Variants in KIAA0825 observed in about 807,000 individuals in gnomAD.
The protein encoded by KIAA0825 is uncharacterized protein KIAA0825.
In KIAA0825, 119 loss-of-function variants were observed where a neutral mutation model predicts 147.6. The observed-to-expected ratio is 0.81, with a 90% CI of 0.69 to 0.94. The LOEUF (loss-of-function observed/expected upper bound fraction) is 0.94, where lower values mean the gene tolerates loss of function less well. KIAA0825 is among the 40% of genes least tolerant of loss of function. The pLI is 0.00. For missense variants in KIAA0825, 1,381 were observed against 1,472.7 expected (o/e 0.94, Z 1.02); for synonymous variants, 470 against 518.1 (o/e 0.91, Z 1.26).
chr5:94,598,799 G>T (rs1271605714), intron 1 of KIAA0825, among the ~76,000 whole-genome samples: 1 of 152,082 alleles, frequency 6.6e-6, no homozygotes, highest in African/African-American at 2.4e-5. Flanking sequence ...TATCATATTT[G>T]TGGTCTTTAG....
At chr5:94,288,961 A>C (rs984334545) in intron 20 of KIAA0825, among the ~76,000 whole-genome samples, 1 of 152,148 alleles carries the variant, frequency 6.6e-6, no homozygotes, top group African/African-American at 2.4e-5. Context: ...ATGGCCCCCA[A>C]CGTATGGGTG....
intron 1 of KIAA0825, among the ~76,000 whole-genome samples, chr5:94,607,571 T>G (rs977317265): frequency 2.6e-5 from 4 of 152,156 alleles, no homozygotes; most frequent in Non-Finnish European, 4.4e-5. Context: ...ATCATGCCAC[T>G]GCCTTCTACC....
intron 5 of KIAA0825, among the ~76,000 whole-genome samples, chr5:94,493,421 A>G (rs979187486): frequency 6.6e-6 from 1 of 152,208 alleles, no homozygotes; most frequent in Non-Finnish European, 1.5e-5. Flanking sequence ...AACTGCTTCC[A>G]TAGAGGTACA....
At chr5:94,249,799 G>GTTTT (rs3080905) in intron 20 of KIAA0825, among the ~76,000 whole-genome samples, 2 of 132,768 alleles carry the variant, frequency 1.5e-5, no homozygotes, top group East Asian at 2.2e-4. Flanking sequence ...TGCTCTGCTG[G>GTTTT]TTTTTTTTTT....
In KIAA0825 at chr5:94,225,765, GAACT is replaced by G. The variant is rs772693505; in HGVS notation, c.3711-71645_3711-71642del. Among the ~76,000 whole-genome samples the G allele has an allele frequency of 8.9e-4, 135 of 152,254 alleles. 2 individuals carry two copies. Among genetic ancestry groups the G allele is most frequent in the Admixed American group, 3.9e-3 (60 of 15,284 alleles). Reference sequence around the variant, plus strand: ...CTATGGTAATTTGTTGTAGCTGCCTGAACTAACTAAGACATTCTCCCAGTGGGAA... The same window carrying G: ...CTATGGTAATTTGTTGTAGCTGCCTGAACTAAGACATTCTCCCAGTGGGAA... On this transcript the variant is annotated intron_variant, in intron 20 of 20. Coordinates refer to ENST00000682413, the MANE Select transcript of KIAA0825 (RefSeq NM_001145678.3).
intron 13 of KIAA0825, among the ~76,000 whole-genome samples, chr5:94,452,123 G>A (rs1476584638): frequency 6.6e-6 from 1 of 152,166 alleles, no homozygotes. Flanking sequence ...TGAGGTCCTT[G>A]AAGATGGGGT....
At chr5:94,518,926 T>A (rs1767674595) in intron 5 of KIAA0825, among the ~76,000 whole-genome samples, 1 of 152,112 alleles carries the variant, frequency 6.6e-6, no homozygotes, top group South Asian at 2.1e-4. Context: ...AACTTTCGTA[T>A]TGAAAAGACT....
intron 14 of KIAA0825, among the ~76,000 whole-genome samples, chr5:94,428,142 GT>G (rs1009600011): frequency 3.6e-5 from 4 of 111,976 alleles, no homozygotes; most frequent in East Asian, 2.9e-4. Context: ...ATAAGGTCTT[GT>G]TGTGTGTGTG....
At chr5:94,551,876 A>C (rs568669405) in intron 2 of KIAA0825, among the ~76,000 whole-genome samples, 13 of 152,104 alleles carry the variant, frequency 8.5e-5, no homozygotes, top group Admixed American at 3.9e-4. Context: ...GGGAAAAAAT[A>C]TATACAAATA....
At chr5:94,175,831 T>G (rs953487870) in intron 20 of KIAA0825, among the ~76,000 whole-genome samples, 4 of 152,076 alleles carry the variant, frequency 2.6e-5, no homozygotes, top group Non-Finnish European at 5.9e-5. Flanking sequence ...ATCATTCTAG[T>G]TTCTTCTGTC....
At position 94,580,638 on chromosome 5, in the gene KIAA0825, A is replaced by C. The variant is rs1781929289; in HGVS notation, c.-2+1795T>G. On this transcript the variant is annotated intron_variant, in intron 2 of 20. Transcript: ENST00000682413. ...ACGCCTGTAATCCCAGCACTTTGGG[A>C]GGCCGAGGCGGGCGGATCACGAGGT... 5.6e-5 allele frequency among the ~76,000 whole-genome samples: 2 copies of C among 35,446 alleles called. 1 individual carries two copies. Among genetic ancestry groups the C allele is most frequent in the African/African-American group, 5.1e-4 (2 of 3,932 alleles). The allele number at this position is 35,446 out of a possible 152,430, so 23.3% of individuals were successfully genotyped here.
At chr5:94,576,992 G>A (rs1050799452) in intron 2 of KIAA0825, among the ~76,000 whole-genome samples, 2 of 152,178 alleles carry the variant, frequency 1.3e-5, no homozygotes, top group Non-Finnish European at 2.9e-5. Context: ...TAACGTATGT[G>A]TGTACACACA....
At chr5:94,269,532 A>G (rs1252495207) in intron 20 of KIAA0825, among the ~76,000 whole-genome samples, 3 of 152,128 alleles carry the variant, frequency 2.0e-5, no homozygotes, top group African/African-American at 7.2e-5. Context: ...TAAGAAACAT[A>G]TGGAAATTAA....
At chr5:94,474,962 G>A (rs915401531) in intron 7 of KIAA0825, among the ~76,000 whole-genome samples, 1 of 152,036 alleles carries the variant, frequency 6.6e-6, no homozygotes, top group South Asian at 2.1e-4. Flanking sequence ...GGTGGCACGT[G>A]CCTGTAGTCC....
rs1251044229 is a variant in KIAA0825, at chr5:94,470,002, C to A, written c.1831G>T (p.Ala611Ser). Residue 611 changes from alanine (A) to serine (S), a missense_variant, in exon 10 of 21, where the codon GCT becomes TCT. Ala to Ser is a moderately conservative substitution (Grantham distance 99). Transcript: ENST00000682413. ...TAGTCATCCCAGTGGTGGCTCTCAG[C>A]ATCCTGTAAAATGCTTGTAGCACAA... ...RVCATSILQD[A>S]ESHHWDDYKA... 2 of 1,551,766 alleles carry A rather than the reference C, an allele frequency of 1.3e-6. No individual in the cohort carries two copies. The highest frequency in any genetic ancestry group is 1.7e-6 in the Non-Finnish European group (2 of 1,146,956).
At chr5:94,162,122 C>G (rs1251462020) in intron 20 of KIAA0825, among the ~76,000 whole-genome samples, 1 of 152,124 alleles carries the variant, frequency 6.6e-6, no homozygotes, top group Non-Finnish European at 1.5e-5. Context: ...TATTTCTCAG[C>G]ATTTACATCC....
At chr5:94,300,845 T>G (rs1012908303) in intron 20 of KIAA0825, among the ~76,000 whole-genome samples, 2 of 152,086 alleles carry the variant, frequency 1.3e-5, no homozygotes, top group African/African-American at 2.4e-5. Context: ...TTTAGGGGGT[T>G]AGGGAGGAAA....
At chr5:94,491,597 C>A (rs532410323) in intron 5 of KIAA0825, among the ~76,000 whole-genome samples, 1 of 152,192 alleles carries the variant, frequency 6.6e-6, no homozygotes, top group Non-Finnish European at 1.5e-5. Context: ...GGAGGACCTG[C>A]AAGCATTGTT....
At chr5:94,249,356 T>C (rs1775818158) in intron 20 of KIAA0825, among the ~76,000 whole-genome samples, 2 of 152,120 alleles carry the variant, frequency 1.3e-5, no homozygotes, top group African/African-American at 4.8e-5. Flanking sequence ...ACTGGCCTTA[T>C]TTTGCTGCCT....
Sources: allele counts gnomAD v4.1 joint callset (sites outside exome capture counted in the v4.1 genomes callset), GRCh38; gene constraint gnomAD v4.1.1; transcripts MANE v1.5; gene names NCBI Gene and HGNC (gene_info 2026-07-23, HGNC 2026-07-21).